Variants in EGLN3 observed in about 807,000 individuals in gnomAD.
EGLN3 encodes the protein prolyl hydroxylase EGLN3.
EGLN3 carries 15 observed loss-of-function variants against 26.0 expected under a neutral mutation model. That is an observed-to-expected ratio of 0.58 (90% CI 0.39 to 0.89). The LOEUF (loss-of-function observed/expected upper bound fraction) is 0.89. Among genes scored for constraint, EGLN3 ranks in the 40% least tolerant of loss-of-function variants. The pLI, the probability that EGLN3 is intolerant of heterozygous loss-of-function variation, is 0.00. For synonymous variants in EGLN3, 147 were observed against 127.2 expected, an observed-to-expected ratio of 1.16 and a Z score of -1.05; for missense variants, 238 against 311.6, an observed-to-expected ratio of 0.76 and a Z score of 1.78.
intron 1 of EGLN3, chr14:33,950,129 G>C (rs1311047969): frequency 1.2e-5 from 7 of 594,346 alleles, no homozygotes; most frequent in Admixed American, 3.0e-5. Flanking sequence ...GCCACAGCTT[G>C]TCTGGCTTTT....
intron 1 of EGLN3, among the ~76,000 whole-genome samples, chr14:33,933,985 A>G (rs1412852574): frequency 6.6e-6 from 1 of 152,252 alleles, no homozygotes; most frequent in Non-Finnish European, 1.5e-5. Flanking sequence ...CTACTTTAGT[A>G]CAGGCTTTTT....
At chr14:33,935,696 A>G (rs1425328240) in intron 1 of EGLN3, among the ~76,000 whole-genome samples, 1 of 152,028 alleles carries the variant, frequency 6.6e-6, no homozygotes, top group Non-Finnish European at 1.5e-5. Flanking sequence ...AAGTAAAGCT[A>G]CTTTGAGACA....
chr14:33,934,097 A>G (rs1030764313), intron 1 of EGLN3, among the ~76,000 whole-genome samples: 1 of 152,176 alleles, frequency 6.6e-6, no homozygotes, highest in Admixed American at 6.5e-5. Context: ...CTATAGTTCT[A>G]TTCTTGGATA....
chr14:33,927,056 A>AGGAAAGAGATTTAATG, intron 3 of EGLN3, 23 bp from the exon 4 acceptor site: 1 of 1,553,590 alleles, frequency 6.4e-7, no homozygotes. Flanking sequence ...AGCAGATATA[A>AGGAAAGAGATTTAATG]GGAAAGAGAT....
intron 4 of EGLN3, 72 bp downstream of exon 4, chr14:33,926,888 A>C (rs1316212304): frequency 8.5e-7 from 1 of 1,172,416 alleles, no homozygotes; most frequent in Non-Finnish European, 1.2e-6. Context: ...AACATGTTTA[A>C]AACTACATAA....
At chr14:33,940,655 A>G (rs1456626454) in intron 1 of EGLN3, among the ~76,000 whole-genome samples, 1 of 152,016 alleles carries the variant, frequency 6.6e-6, no homozygotes, top group Non-Finnish European at 1.5e-5. Context: ...TTATCCAGGG[A>G]CCACAGAGAA....
chr14:33,942,218 T>G (rs916885197), intron 1 of EGLN3, among the ~76,000 whole-genome samples: 4 of 151,638 alleles, frequency 2.6e-5, no homozygotes, highest in Non-Finnish European at 2.9e-5. Flanking sequence ...TTTAAAAAAC[T>G]TCCCCCCTCA....
At chr14:33,939,025 A>G (rs927842970) in intron 1 of EGLN3, among the ~76,000 whole-genome samples, 3 of 152,222 alleles carry the variant, frequency 2.0e-5, no homozygotes, top group Admixed American at 6.5e-5. Context: ...GACAAGGAAT[A>G]CTTGTGACTG....
rs544900915 is a variant in EGLN3 at position 33,945,585 on chromosome 14, G to GA, written c.357+4810dup. Among the ~76,000 whole-genome samples, 61 of 152,358 alleles carry GA rather than the reference G, an allele frequency of 4.0e-4. No homozygotes were observed. In the Middle Eastern group the frequency reaches 0.01, roughly 25 times the overall value. ...ATGGGAAGGCAGCAAAAGCTGGATT[G>GA]AAAAGAGGATAAGAAATGAAGAGCA... On this transcript the variant is annotated intron_variant, in intron 1 of 4. Transcript: ENST00000250457.
intron 4 of EGLN3, 26 bp downstream of exon 4, chr14:33,926,934 G>C (rs1594373764): frequency 6.4e-7 from 1 of 1,553,370 alleles, no homozygotes. Flanking sequence ...TTGATCAAAA[G>C]TCACAGAAAA....
chr14:33,937,395 T>C (rs2064450405), intron 1 of EGLN3, among the ~76,000 whole-genome samples: 1 of 152,212 alleles, frequency 6.6e-6, no homozygotes, highest in Admixed American at 6.5e-5. Flanking sequence ...TGTTGTTGGT[T>C]AAGAGCAAGC....
In EGLN3 at chr14:33,929,330, C is replaced by G. The variant is rs1056978464; in HGVS notation, c.478-118G>C. 8.6e-6 allele frequency: 11 copies of G among 1,279,906 alleles called. No individual in the cohort carries two copies. The Admixed American group carries it at 2.6e-4, about 30-fold the overall frequency. The allele number at this position is 1,279,906 out of a possible 1,614,324, so 79.3% of individuals were successfully genotyped here. ...TAACCACCACTCCAAATGCATGGTA[C>G]CCCAGATTTTTACTTCAACCTCATA... On this transcript the variant is annotated intron_variant, in intron 2 of 4. Transcript: ENST00000250457.
intron 1 of EGLN3, among the ~76,000 whole-genome samples, chr14:33,941,878 G>A (rs2064485931): frequency 6.6e-6 from 1 of 152,142 alleles, no homozygotes; most frequent in Admixed American, 6.5e-5. Flanking sequence ...GAAGACAATG[G>A]GGAAGCTCAT....
In EGLN3 at chr14:33,925,875, A is replaced by C. The variant is rs370966339; in HGVS notation, c.*16T>G. On this transcript the variant is annotated 3_prime_UTR_variant, in exon 5 of 5. Transcript: ENST00000250457. ...CGTTACTAAAATGAACAAGGCCAGC[A>C]GATTTCAGAGCACGGTCAGTCTTCA... 44 of 1,613,944 alleles carry C rather than the reference A, an allele frequency of 2.7e-5. No homozygotes were observed. Among genetic ancestry groups the C allele is most frequent in the African/African-American group, 4.0e-5 (3 of 74,924 alleles).
chr14:33,926,862 G>T, intron 4 of EGLN3, 98 bp downstream of exon 4: 1 of 837,704 alleles, frequency 1.2e-6, no homozygotes. Context: ...AAGCTAAGCC[G>T]TAACAGATTG....
rs1453885280 is a variant in EGLN3, at chr14:33,950,587, G to A, written c.166C>T (p.Leu56=). ...GGCCCCGCCAGCTGGCCGTCCCGCAGGGCCCCGGTGCAGTGCAGCTGCTTG... is the reference window on the plus strand; with the variant it reads ...GGCCCCGCCAGCTGGCCGTCCCGCAAGGCCCCGGTGCAGTGCAGCTGCTTG... ...RVKQLHCTGA[L]RDGQLAGPRA... The change falls in exon 1 of 5, where the codon CTG becomes TTG. Residue 56 remains leucine (L), a synonymous_variant. Transcript: ENST00000250457. The A allele has an allele frequency of 1.1e-5, 18 of 1,612,366 alleles. No homozygotes were observed. Among genetic ancestry groups the A allele is most frequent in the African/African-American group, 4.0e-5 (3 of 74,896 alleles).
chr14:33,933,431 C>G (rs991075088), intron 1 of EGLN3, among the ~76,000 whole-genome samples: 3 of 151,934 alleles, frequency 2.0e-5, no homozygotes, highest in Non-Finnish European at 4.4e-5. Flanking sequence ...AGGACAAAAC[C>G]CCTACATGTC....
intron 1 of EGLN3, among the ~76,000 whole-genome samples, chr14:33,934,331 A>G (rs928809932): frequency 2.0e-5 from 3 of 152,172 alleles, no homozygotes; most frequent in African/African-American, 7.2e-5. Flanking sequence ...ACAAACGTAT[A>G]TGTATCCTTT....
chr14:33,950,113 AC>A, intron 1 of EGLN3: 1 of 591,638 alleles, frequency 1.7e-6, no homozygotes, highest in South Asian at 2.1e-5. Flanking sequence ...TTAAAATCGG[AC>A]CACAGCCACA....
Sources: allele counts gnomAD v4.1 joint callset (sites outside exome capture counted in the v4.1 genomes callset), GRCh38; gene constraint gnomAD v4.1.1; transcripts MANE v1.5; gene names NCBI Gene and HGNC (gene_info 2026-07-23, HGNC 2026-07-21).